ELOVL2: variants seen among roughly 807,000 people sequenced by gnomAD.
ELOVL2 encodes ELOVL fatty acid elongase 2.
Under a neutral mutation model 37.7 loss-of-function variants are expected in ELOVL2, and 38 were observed. That is an observed-to-expected ratio of 1.01 (90% CI 0.78 to 1.32). ELOVL2 has a LOEUF of 1.32. ELOVL2 is among the 40% of genes most tolerant of loss of function. ELOVL2 has a pLI of 0.00. For missense variants in ELOVL2, 352 were observed against 363.6 expected (o/e 0.97, Z 0.26); for synonymous variants, 115 against 122.3 (o/e 0.94, Z 0.40).
At chr6:11,008,441 C>T (rs1782515609) in intron 2 of ELOVL2, among the ~76,000 whole-genome samples, 1 of 152,182 alleles carries the variant, frequency 6.6e-6, no homozygotes, top group South Asian at 2.1e-4. Context: ...AAACCACTGT[C>T]ACCAACAAAT....
intron 1 of ELOVL2, among the ~76,000 whole-genome samples, chr6:11,023,179 G>GAT (rs1425690976): frequency 1.3e-5 from 2 of 152,228 alleles, no homozygotes; most frequent in African/African-American, 4.8e-5. Flanking sequence ...TCCAAAGCCA[G>GAT]ATATCTGTAT....
chr6:11,018,985 C>T (rs1782724610), intron 1 of ELOVL2, among the ~76,000 whole-genome samples: 1 of 152,030 alleles, frequency 6.6e-6, no homozygotes, highest in Middle Eastern at 3.2e-3. Context: ...ATTTCCTGTA[C>T]CTGAATATAG....
chr6:11,005,384 GT>G lies in ELOVL2; in HGVS notation c.242del (p.Tyr81SerfsTer32). ...YNLGITLLSA[Y>X]MLAELILSTW... ...CATAAACACTTACCTCTGCCAGCATGTACGCGGAGAGAAGTGTGATTCCAAG... is the reference window on the plus strand; with the variant it reads ...CATAAACACTTACCTCTGCCAGCATGACGCGGAGAGAAGTGTGATTCCAAG... On this transcript the variant is annotated frameshift_variant, in exon 3 of 8. Transcript: ENST00000354666. LOFTEE classifies it high-confidence loss of function. 1 of 1,613,222 alleles carries G rather than the reference GT, an allele frequency of 6.2e-7. No homozygotes were observed.
In ELOVL2 at chr6:11,010,718, A is replaced by G. The variant is rs747701299; in HGVS notation, c.67+28T>C. On this transcript the variant is annotated intron_variant, in intron 2 of 7. Transcript: ENST00000354666. The stretch of plus-strand genomic sequence containing the variant: ...ATGGTGTTCTTCCTGTGTTCCTTCC[A>G]CATTAAGTTCTCAAGTAATTCACTG... 41 of 1,570,682 alleles carry G rather than the reference A, an allele frequency of 2.6e-5. 1 individual carries two copies. In the South Asian group the frequency reaches 4.6e-4, roughly 18 times the overall value.
At chr6:11,003,316 C>A (rs113634278) in intron 3 of ELOVL2, among the ~76,000 whole-genome samples, 3 of 152,238 alleles carry the variant, frequency 2.0e-5, no homozygotes, top group South Asian at 4.1e-4. Context: ...CTCCCCACCC[C>A]CCGACAGGCC....
rs1382744105 is a variant in ELOVL2, at chr6:10,981,246, CAG to C, written c.*2533_*2534del. 6 of 152,300 alleles carry C rather than the reference CAG, an allele frequency of 3.9e-5. No individual in the cohort carries two copies. The highest frequency in any genetic ancestry group is 1.2e-4 in the African/African-American group (5 of 41,460). The allele number at this position is 152,300 out of a possible 1,614,324, so 9.4% of individuals were successfully genotyped here. A position where few individuals can be genotyped will look rare whatever the true frequency, so the allele number is the denominator to read the frequency against. Reference sequence around the variant, plus strand: ...TTTAAGTATTTTCATTCCCATGGGTCAGAGGAAATTTGAGAGAAAACATTCTC... The same window carrying C: ...TTTAAGTATTTTCATTCCCATGGGTCAGGAAATTTGAGAGAAAACATTCTC... On this transcript the variant is annotated 3_prime_UTR_variant, in exon 8 of 8. Transcript: ENST00000354666.
intron 5 of ELOVL2, 49 bp from the exon 6 acceptor site, chr6:10,990,491 C>T: frequency 1.3e-6 from 2 of 1,513,908 alleles, no homozygotes; most frequent in Non-Finnish European, 1.8e-6. Flanking sequence ...AAGGACTGTT[C>T]ATTCTTCTTT....
At chr6:11,034,664 C>CA (rs1782981798) in intron 1 of ELOVL2, among the ~76,000 whole-genome samples, 1 of 151,608 alleles carries the variant, frequency 6.6e-6, no homozygotes. Flanking sequence ...GCCTGGGTGA[C>CA]AGAGTGAGAC....
At chr6:11,035,714 C>T (rs562768902) in intron 1 of ELOVL2, among the ~76,000 whole-genome samples, 1 of 152,186 alleles carries the variant, frequency 6.6e-6, no homozygotes, top group South Asian at 2.1e-4. Flanking sequence ...GATGGAATGG[C>T]ACATGGACAC....
At chr6:10,988,127 T>C (rs1782082980) in intron 7 of ELOVL2, among the ~76,000 whole-genome samples, 3 of 152,264 alleles carry the variant, frequency 2.0e-5, no homozygotes, top group Non-Finnish European at 4.4e-5. Context: ...CACCCACACA[T>C]AGCTTTGTTT....
At chr6:11,039,362 T>A (rs1218883566) in intron 1 of ELOVL2, among the ~76,000 whole-genome samples, 1 of 152,232 alleles carries the variant, frequency 6.6e-6, no homozygotes, top group Non-Finnish European at 1.5e-5. Context: ...AAGCACTGCA[T>A]AAACATCAAG....
At chr6:11,023,304 T>C (rs1428816467) in intron 1 of ELOVL2, among the ~76,000 whole-genome samples, 1 of 152,240 alleles carries the variant, frequency 6.6e-6, no homozygotes, top group East Asian at 1.9e-4. Context: ...GTGCTCTGGT[T>C]ATCAAGTACT....
intron 7 of ELOVL2, among the ~76,000 whole-genome samples, chr6:10,986,012 T>C (rs1457927282): frequency 3.9e-5 from 6 of 152,124 alleles, no homozygotes; most frequent in African/African-American, 1.2e-4. Context: ...TTTGTATCCT[T>C]TTTTATTTCA....
At position 11,044,215 on chromosome 6, in the gene ELOVL2, C is replaced by T. The variant is rs766699862; in HGVS notation, c.3+13G>A. The T allele has an allele frequency of 2.8e-6, 4 of 1,433,742 alleles. No individual in the cohort carries two copies. The South Asian group carries it at 5.9e-5, about 21-fold the overall frequency. 88.8% of individuals were successfully genotyped at this position (1,433,742 alleles called of 1,614,324 possible). ...GCGCGGCGGTGTCGGTGGCGGCGCG[C>T]GGCCCCACTCACCATGATCCGCAGC... is the stretch of plus-strand genomic sequence containing the variant. On this transcript the variant is annotated intron_variant, in intron 1 of 7. Transcript: ENST00000354666. This position sits in a 1 kb window ranked among gnomAD's most constrained non-coding sequence, Gnocchi z 5.6.
intron 1 of ELOVL2, among the ~76,000 whole-genome samples, chr6:11,042,913 A>G (rs1287214899): frequency 6.6e-6 from 1 of 151,860 alleles, no homozygotes; most frequent in Non-Finnish European, 1.5e-5. Context: ...TCTAGCAAGC[A>G]ATGAACGAAA....
At chr6:10,988,520 C>G (rs547522527) in intron 7 of ELOVL2, among the ~76,000 whole-genome samples, 2 of 152,256 alleles carry the variant, frequency 1.3e-5, no homozygotes, top group Admixed American at 1.3e-4. Context: ...GCCGAGACTG[C>G]GCCATTGCAC....
In ELOVL2 at chr6:10,981,288, G is replaced by T. The variant is rs896727852; in HGVS notation, c.*2493C>A. 5 of 152,446 alleles carry T rather than the reference G, an allele frequency of 3.3e-5. No homozygotes were observed. Among genetic ancestry groups the T allele is most frequent in the African/African-American group, 9.7e-5 (4 of 41,398 alleles). 9.4% of individuals were successfully genotyped at this position (152,446 alleles called of 1,614,324 possible). A position where few individuals can be genotyped will look rare whatever the true frequency, so the allele number is the denominator to read the frequency against. On this transcript the variant is annotated 3_prime_UTR_variant, in exon 8 of 8. Coordinates refer to ENST00000354666, the MANE Select transcript of ELOVL2 (RefSeq NM_017770.4). ...AAAACATTCTCCATTTTTTTTAATA[G>T]ATTATAGAAATATTAATTTTTCAAT...
chr6:11,004,441 GTTAT>G (rs1254480871), intron 3 of ELOVL2, among the ~76,000 whole-genome samples: 1 of 142,578 alleles, frequency 7.0e-6, no homozygotes, highest in Non-Finnish European at 1.5e-5. Flanking sequence ...TCTACAGCAA[GTTAT>G]TTAACACTTT....
At chr6:11,012,683 T>G (rs1462133346) in intron 1 of ELOVL2, among the ~76,000 whole-genome samples, 8 of 152,096 alleles carry the variant, frequency 5.3e-5, no homozygotes, top group Admixed American at 1.3e-4. Context: ...GAAACAAAAG[T>G]AAAACAAGGG....
Sources: allele counts gnomAD v4.1 joint callset (sites outside exome capture counted in the v4.1 genomes callset), GRCh38; gene constraint gnomAD v4.1.1; non-coding constraint Gnocchi (gnomAD v3.1); transcripts MANE v1.5; gene names NCBI Gene and HGNC (gene_info 2026-07-23, HGNC 2026-07-21).